Variants in BIN1 observed in about 807,000 individuals in gnomAD.
BIN1 encodes the protein bridging integrator 1, also known as myc box-dependent-interacting protein 1.
BIN1 carries 53 observed loss-of-function variants against 82.0 expected under a neutral mutation model. The observed-to-expected ratio is 0.65, with a 90% CI of 0.52 to 0.81. BIN1 has a LOEUF of 0.81. Among genes scored for constraint, BIN1 ranks in the 40% least tolerant of loss-of-function variants. The pLI is 0.00. For missense variants in BIN1, 642 were observed against 784.4 expected (o/e 0.82, Z 2.17); for synonymous variants, 302 against 328.0 (o/e 0.92, Z 0.86).
rs547427904 is a variant in BIN1, at chr2:127,068,515, G to A, written c.520-260C>T. 6.6e-5 allele frequency among the ~76,000 whole-genome samples: 10 copies of A among 152,284 alleles called. No individual in the cohort carries two copies. The highest frequency in any genetic ancestry group is 6.2e-4 in the South Asian group (3 of 4,826). On this transcript the variant is annotated intron_variant, in intron 6 of 18. Coordinates refer to ENST00000316724, the MANE Select transcript of BIN1 (RefSeq NM_139343.3). This position sits in a 1 kb window ranked among gnomAD's most constrained non-coding sequence, Gnocchi z 4.9. Reference sequence around the variant, plus strand: ...GCAAGCACGGCCCTGCCCGGAGGACGGGGCCACCCCAGCCCCTCACCAAAG... The same window carrying A: ...GCAAGCACGGCCCTGCCCGGAGGACAGGGCCACCCCAGCCCCTCACCAAAG...
At chr2:127,087,038 A>AT (rs1454323560) in intron 1 of BIN1, among the ~76,000 whole-genome samples, 1 of 152,076 alleles carries the variant, frequency 6.6e-6, no homozygotes, top group Non-Finnish European at 1.5e-5. Context: ...CTTTTTGGTG[A>AT]TTTTCCCTTT....
At chr2:127,076,026 G>C (rs901341170) in intron 2 of BIN1, among the ~76,000 whole-genome samples, 22 of 141,314 alleles carry the variant, frequency 1.6e-4, no homozygotes, top group African/African-American at 5.4e-4. Flanking sequence ...CCCTCTCCCA[G>C]CTACTCCCGG....
At chr2:127,054,417 G>A (rs1420778973) in intron 12 of BIN1, 3 of 273,400 alleles carry the variant, frequency 1.1e-5, no homozygotes, top group African/African-American at 2.2e-5. Flanking sequence ...CGCTCCCTGC[G>A]CCAAGAGTTC....
At chr2:127,049,078 T>G (rs1297490990) in intron 18 of BIN1, among the ~76,000 whole-genome samples, 1 of 152,148 alleles carries the variant, frequency 6.6e-6, no homozygotes, top group Non-Finnish European at 1.5e-5. Context: ...TCTCTGGGAG[T>G]GCTGACAGGC....
At chr2:127,091,992 C>T (rs1272218078) in intron 1 of BIN1, among the ~76,000 whole-genome samples, 1 of 152,066 alleles carries the variant, frequency 6.6e-6, no homozygotes, top group African/African-American at 2.4e-5. Flanking sequence ...GTGGCTACCC[C>T]TGCCCTACCC....
chr2:127,063,807 G>T (rs1254839884), intron 8 of BIN1, 126 bp downstream of exon 8: 3 of 1,426,284 alleles, frequency 2.1e-6, no homozygotes, highest in African/African-American at 2.8e-5. Context: ...CACACAGGCT[G>T]GGCACCGCAG....
chr2:127,106,712 T>C, intron 1 of BIN1, 148 bp downstream of exon 1: 1 of 984,024 alleles, frequency 1.0e-6, no homozygotes. Flanking sequence ...CCTGGGGACC[T>C]CGAAGCCCCT....
chr2:127,061,661 T>C lies in BIN1; in HGVS notation c.857+454A>G, dbSNP rs540246967. Reference sequence around the variant, plus strand: ...GAGGCTGAGGACAGGAAGAGGATGCTCGTGTGGTTGAGCAGAATGCTGCCA... The same window carrying C: ...GAGGCTGAGGACAGGAAGAGGATGCCCGTGTGGTTGAGCAGAATGCTGCCA... On this transcript the variant is annotated intron_variant, in intron 10 of 18. Transcript: ENST00000316724. 6.6e-5 allele frequency among the ~76,000 whole-genome samples: 10 copies of C among 152,262 alleles called. No homozygotes were observed. The South Asian group carries it at 2.1e-3, about 32-fold the overall frequency.
intron 1 of BIN1, among the ~76,000 whole-genome samples, chr2:127,100,849 C>T (rs1436398734): frequency 6.6e-6 from 1 of 152,134 alleles, no homozygotes; most frequent in African/African-American, 2.4e-5. Context: ...AGGAGCAGAA[C>T]CTGGAGCCCC....
intron 13 of BIN1, chr2:127,053,660 GC>G (rs2104894667): frequency 5.4e-6 from 4 of 741,728 alleles, no homozygotes; most frequent in South Asian, 1.6e-5. Context: ...GGATGCTTCT[GC>G]CCCAAGCGAT....
intron 12 of BIN1, chr2:127,054,499 A>C (rs1001397287): frequency 1.2e-5 from 2 of 171,062 alleles, no homozygotes; most frequent in Non-Finnish European, 2.5e-5. Flanking sequence ...CCCGACTGGG[A>C]AAGTTCCAAA....
In BIN1 at chr2:127,093,617, C is replaced by T. The variant is rs558499079; in HGVS notation, c.84+13243G>A. 2.6e-5 allele frequency among the ~76,000 whole-genome samples: 4 copies of T among 152,352 alleles called. No homozygotes were observed. The East Asian group carries it at 7.7e-4, about 29-fold the overall frequency. ...TGTCTACACGGCTGTCCATTCCTCACCAACTTATGTCTGAAAACAGACAGT... is the reference window on the plus strand; with the variant it reads ...TGTCTACACGGCTGTCCATTCCTCATCAACTTATGTCTGAAAACAGACAGT... On this transcript the variant is annotated intron_variant, in intron 1 of 18. Transcript: ENST00000316724. The surrounding 1 kb of genome is among the most constrained non-coding windows in gnomAD (Gnocchi z 5.7).
Position 127,050,871 on chromosome 2 carries a change from A to T in BIN1, c.1503T>A (p.Thr501=), listed in dbSNP as rs1558792849. The change falls in exon 17 of 19, where the codon ACT becomes ACA. Residue 501 remains threonine, a synonymous_variant. Transcript: ENST00000316724. ...TGCCGCCCTCCACGGTGCCATTCAC[A>T]GTTGCTGGGAAGGTCTCCACCACGA... ...PAVVVETFPA[T]VNGTVEGGSG... 3 of 1,613,892 alleles carry T rather than the reference A, an allele frequency of 1.9e-6. No homozygotes were observed. The highest frequency in any genetic ancestry group is 2.5e-6 in the Non-Finnish European group (3 of 1,180,014).
intron 1 of BIN1, among the ~76,000 whole-genome samples, chr2:127,083,566 A>C (rs1213421431): frequency 5.9e-5 from 9 of 152,120 alleles, no homozygotes. Flanking sequence ...CCCCCAATAC[A>C]TCCAAAATGT....
chr2:127,073,657 G>A (rs902663356), intron 2 of BIN1, among the ~76,000 whole-genome samples: 1 of 152,164 alleles, frequency 6.6e-6, no homozygotes, highest in Non-Finnish European at 1.5e-5. Flanking sequence ...AATTCGGGGG[G>A]CGACCTTCAC....
chr2:127,080,775 G>A (rs558217136), intron 1 of BIN1, among the ~76,000 whole-genome samples: 2 of 152,168 alleles, frequency 1.3e-5, no homozygotes, highest in Non-Finnish European at 2.9e-5. Flanking sequence ...GGCAGGGAGG[G>A]GGGGCAGGTG....
chr2:127,058,377 A>T (rs1440625417), intron 11 of BIN1, among the ~76,000 whole-genome samples: 1 of 152,190 alleles, frequency 6.6e-6, no homozygotes, highest in East Asian at 1.9e-4. Flanking sequence ...GGGCGGCAGC[A>T]GAAAACGGGG....
At chr2:127,069,765 C>CACAT (rs35387936) in intron 5 of BIN1, among the ~76,000 whole-genome samples, 1 of 151,872 alleles carries the variant, frequency 6.6e-6, no homozygotes, top group Non-Finnish European at 1.5e-5. Context: ...CACACACACA[C>CACAT]GTGCCGTGAG....
chr2:127,063,518 T>TGAC, intron 9 of BIN1, 53 bp downstream of exon 9: 1 of 1,575,058 alleles, frequency 6.3e-7, no homozygotes, highest in South Asian at 1.1e-5. Flanking sequence ...ACTCTGACTC[T>TGAC]GACCCTCGGC....
Sources: gnomAD v4.1 joint callset for allele counts (sites outside exome capture counted in the v4.1 genomes callset) on GRCh38, gnomAD v4.1.1 for gene constraint, Gnocchi (gnomAD v3.1) non-coding constraint, MANE v1.5 for transcripts, NCBI Gene and HGNC (gene_info 2026-07-23, HGNC 2026-07-21) for gene names.